The following AKAP7 variants were observed in gnomAD, a reference collection of about 807,000 sequenced individuals.
AKAP7 encodes A-kinase anchoring protein 7, also known as A kinase (PRKA) anchor protein 7.
Under a neutral mutation model 39.5 loss-of-function variants are expected in AKAP7, and 39 were observed. The ratio of observed to expected loss-of-function variants is 0.99; its 90% confidence interval spans 0.76 to 1.29. The LOEUF (loss-of-function observed/expected upper bound fraction) is 1.29, where lower values mean the gene tolerates loss of function less well. Ranked by LOEUF, AKAP7 falls within the 50% of genes most tolerant of loss-of-function variation. The pLI, the probability that AKAP7 is intolerant of heterozygous loss-of-function variation, is 0.00. For missense variants in AKAP7, 414 were observed against 407.7 expected (o/e 1.02, Z -0.13); for synonymous variants, 140 against 139.1 (o/e 1.01, Z -0.05).
chr6:131,165,794 A>G (rs1027542937), intron 4 of AKAP7, among the ~76,000 whole-genome samples: 1 of 152,108 alleles, frequency 6.6e-6, no homozygotes, highest in Non-Finnish European at 1.5e-5. Flanking sequence ...CAACTCATTG[A>G]TTACTGCTTT....
At chr6:131,251,333 G>A (rs748012585) in intron 7 of AKAP7, among the ~76,000 whole-genome samples, 5 of 152,196 alleles carry the variant, frequency 3.3e-5, no homozygotes, top group Non-Finnish European at 7.3e-5. Context: ...TAATTAGTAT[G>A]CTGAATAGAG....
At chr6:131,259,949 G>GC (rs11442873) in intron 7 of AKAP7, among the ~76,000 whole-genome samples, 44,186 of 151,794 alleles carry the variant, frequency 0.29, 6,884 homozygotes, top group Middle Eastern at 0.4. Context: ...ATACTCTCTT[G>GC]CCCCTCATCC....
intron 6 of AKAP7, 75 bp from the exon 7 acceptor site, chr6:131,219,586 A>T (rs3822866): frequency 0.49 from 664,978 of 1,358,868 alleles, 164,708 homozygotes; most frequent in African/African-American, 0.59. Context: ...AATCAGGTTC[A>T]AAGAAAGTGA....
intron 3 of AKAP7, among the ~76,000 whole-genome samples, chr6:131,162,004 C>T (rs932295354): frequency 6.6e-5 from 10 of 152,198 alleles, no homozygotes; most frequent in Non-Finnish European, 1.5e-4. Context: ...CTGGGTGTCA[C>T]TTTCCCTAGG....
At chr6:131,239,633 TC>T (rs1811361692) in intron 7 of AKAP7, among the ~76,000 whole-genome samples, 1 of 152,192 alleles carries the variant, frequency 6.6e-6, no homozygotes, top group South Asian at 2.1e-4. Flanking sequence ...TCTAAACTTC[TC>T]TTCTCGCTTC....
At chr6:131,258,359 A>G (rs1383079070) in intron 7 of AKAP7, among the ~76,000 whole-genome samples, 1 of 152,188 alleles carries the variant, frequency 6.6e-6, no homozygotes, top group Non-Finnish European at 1.5e-5. Context: ...AAGATAAAGG[A>G]TATTGATTGA....
At chr6:131,178,764 C>T (rs1024189240) in intron 5 of AKAP7, among the ~76,000 whole-genome samples, 9 of 152,248 alleles carry the variant, frequency 5.9e-5, no homozygotes, top group Middle Eastern at 6.8e-3. Context: ...TGGGAAACAC[C>T]GATGGCAGAT....
chr6:131,274,070 A>G (rs1814540062), intron 7 of AKAP7, among the ~76,000 whole-genome samples: 1 of 149,502 alleles, frequency 6.7e-6, no homozygotes, highest in Admixed American at 6.7e-5. Flanking sequence ...TTTCTTCTGC[A>G]TTGTTTCTGA....
At position 131,173,300 on chromosome 6, in the gene AKAP7, A is replaced by G. The variant is rs1528864; in HGVS notation, c.589+4027A>G. ...GTTTTTTACCTAATGAATGTTGAAC[A>G]TTTAACTTGTGTCTTTGGGTTAGAA... On this transcript the variant is annotated intron_variant, in intron 5 of 7. Coordinates refer to ENST00000431975, the MANE Select transcript of AKAP7 (RefSeq NM_016377.4). Among the ~76,000 whole-genome samples the G allele has an allele frequency of 8.3e-3, 1,258 of 152,154 alleles. 21 individuals are homozygous for G. Among genetic ancestry groups the G allele is most frequent in the African/African-American group, 0.029 (1,207 of 41,528 alleles).
chr6:131,184,961 C>T (rs937401902), intron 5 of AKAP7: 25 of 782,688 alleles, frequency 3.2e-5, no homozygotes, highest in Non-Finnish European at 5.4e-5. Flanking sequence ...TTCCCCGATG[C>T]TTGGGAGCAT....
At chr6:131,245,236 T>G (rs913816834) in intron 7 of AKAP7, among the ~76,000 whole-genome samples, 5 of 151,416 alleles carry the variant, frequency 3.3e-5, no homozygotes, top group African/African-American at 4.8e-5. Context: ...TTATTGAGAG[T>G]TGAATTCTTT....
intron 7 of AKAP7, among the ~76,000 whole-genome samples, chr6:131,236,308 C>T (rs1216259496): frequency 8.5e-5 from 13 of 152,102 alleles, no homozygotes; most frequent in Non-Finnish European, 1.9e-4. Flanking sequence ...GTTACTGTAG[C>T]CTTGTAGTAT....
intron 2 of AKAP7, among the ~76,000 whole-genome samples, chr6:131,150,182 T>C (rs761826182): frequency 6.6e-6 from 1 of 152,200 alleles, no homozygotes; most frequent in Non-Finnish European, 1.5e-5. Flanking sequence ...CTTCCCTAAA[T>C]GTGGAATTCA....
chr6:131,273,098 G>A (rs1263167766), intron 7 of AKAP7, among the ~76,000 whole-genome samples: 1 of 152,004 alleles, frequency 6.6e-6, no homozygotes, highest in African/African-American at 2.4e-5. Context: ...TCTCTTCCGG[G>A]TAATACTTTT....
intron 1 of AKAP7, among the ~76,000 whole-genome samples, chr6:131,138,370 G>A (rs1411941924): frequency 6.6e-6 from 1 of 152,084 alleles, no homozygotes; most frequent in East Asian, 1.9e-4. Flanking sequence ...GATAACCTTA[G>A]TTATCCAACA....
At chr6:131,231,198 A>G (rs1303473656) in intron 7 of AKAP7, among the ~76,000 whole-genome samples, 2 of 152,144 alleles carry the variant, frequency 1.3e-5, no homozygotes, top group African/African-American at 4.8e-5. Flanking sequence ...TTTAATTTCC[A>G]TTTGAGCATT....
At chr6:131,202,827 AATTTTTTATTTTAATT>A (rs1386944113) in intron 6 of AKAP7, among the ~76,000 whole-genome samples, 1 of 152,128 alleles carries the variant, frequency 6.6e-6, no homozygotes, top group Non-Finnish European at 1.5e-5. Flanking sequence ...GCCAAATAAG[AATTTTTTATTTTAATT>A]TATGGAATGA....
intron 7 of AKAP7, among the ~76,000 whole-genome samples, chr6:131,265,360 C>T (rs373806545): frequency 1.3e-5 from 2 of 152,214 alleles, no homozygotes; most frequent in East Asian, 3.9e-4. Flanking sequence ...ATCTCAAGCT[C>T]CTGACCTCAA....
At chr6:131,208,820 G>A (rs924865108) in intron 6 of AKAP7, among the ~76,000 whole-genome samples, 1 of 152,160 alleles carries the variant, frequency 6.6e-6, no homozygotes, top group Non-Finnish European at 1.5e-5. Flanking sequence ...CCGTGGCTGG[G>A]CAGCCTCCAT....
Sources: allele counts gnomAD v4.1 joint callset (sites outside exome capture counted in the v4.1 genomes callset), GRCh38; gene constraint gnomAD v4.1.1; transcripts MANE v1.5; gene names NCBI Gene and HGNC (gene_info 2026-07-23, HGNC 2026-07-21).